KLHL13: variants seen among roughly 807,000 people sequenced by gnomAD.
KLHL13 encodes kelch like family member 13.
A neutral mutation model predicts 37.1 loss-of-function variants in KLHL13; 10 were observed. That is an observed-to-expected ratio of 0.27 (90% CI 0.17 to 0.46). The LOEUF is 0.46. KLHL13 is among the 20% of genes least tolerant of loss of function. The probability of loss-of-function intolerance (pLI) is 1.00; values close to 1 mark genes in which losing one functional copy is unlikely to be tolerated. For synonymous variants in KLHL13, 163 were observed against 181.2 expected (o/e 0.90, Z 0.81); for missense variants, 360 against 509.3 (o/e 0.71, Z 2.82).
At chrX:117,914,892 A>G (rs934996954) in intron 4 of KLHL13, among the ~76,000 whole-genome samples, 1 of 112,153 alleles carries the variant, frequency 8.9e-6, no homozygotes, top group Non-Finnish European at 1.9e-5. Context: ...CCCAGATAGC[A>G]GATAGGCAAG....
Position 118,051,749 on chromosome X carries a change from A to C in KLHL13, c.-56+64759T>G, listed in dbSNP as rs1242658227. ...ACACAAATTCAATACAATTACAATC[A>C]AATTCCCTAAAAGAGTCAGATTTTT... On this transcript the variant is annotated intron_variant, in intron 1 of 6. Transcript: ENST00000371882. Among the ~76,000 whole-genome samples, 5 of 110,752 alleles carry C rather than the reference A, an allele frequency of 4.5e-5. No individual in the cohort carries two copies. In the Admixed American group the frequency reaches 4.8e-4, roughly 11 times the overall value.
intron 1 of KLHL13, among the ~76,000 whole-genome samples, chrX:118,092,224 A>C (rs1415647923): frequency 8.9e-6 from 1 of 111,947 alleles, no homozygotes; most frequent in African/African-American, 3.2e-5. Context: ...AAAATACATA[A>C]ATAAAATAAG....
chrX:117,911,907 AAC>A (rs753612526), intron 4 of KLHL13, among the ~76,000 whole-genome samples: 19 of 112,178 alleles, frequency 1.7e-4, no homozygotes, highest in South Asian at 7.4e-4. Context: ...TAAAATACCT[AAC>A]ACATAACTGT....
intron 5 of KLHL13, among the ~76,000 whole-genome samples, chrX:117,903,473 T>G (rs1930281696): frequency 9.0e-6 from 1 of 111,696 alleles, no homozygotes; most frequent in South Asian, 3.7e-4. Flanking sequence ...TTTCTAAAAT[T>G]AATAACAAGT....
chrX:118,088,969 G>T (rs2055085176), intron 1 of KLHL13, among the ~76,000 whole-genome samples: 1 of 111,634 alleles, frequency 9.0e-6, no homozygotes, highest in South Asian at 3.8e-4. Flanking sequence ...TGGCAACCTA[G>T]AAATGACAGT....
At chrX:117,990,736 G>A (rs2053778986) in intron 1 of KLHL13, among the ~76,000 whole-genome samples, 1 of 111,503 alleles carries the variant, frequency 9.0e-6, no homozygotes, top group Non-Finnish European at 1.9e-5. Context: ...TGACACACAA[G>A]AGGGCCCAAT....
chrX:117,929,863 C>T (rs1197793140), intron 2 of KLHL13, among the ~76,000 whole-genome samples: 2 of 107,330 alleles, frequency 1.9e-5, no homozygotes, highest in Non-Finnish European at 3.8e-5. Flanking sequence ...TACTCTGGAG[C>T]CTGAGGTAGG....
chrX:118,050,850 C>T (rs372088369), intron 1 of KLHL13, among the ~76,000 whole-genome samples: 3 of 112,000 alleles, frequency 2.7e-5, no homozygotes, highest in East Asian at 2.8e-4. Flanking sequence ...GGTCTCCAAA[C>T]TTGAGCATAC....
At chrX:117,979,737 G>A (rs747364501) in intron 1 of KLHL13, among the ~76,000 whole-genome samples, 114 of 110,920 alleles carry the variant, frequency 1.0e-3, no homozygotes, top group Non-Finnish European at 1.7e-3. Context: ...AAAATATGTA[G>A]AAACATACTA....
At chrX:118,076,497 T>C (rs1363503642) in intron 1 of KLHL13, among the ~76,000 whole-genome samples, 1 of 111,617 alleles carries the variant, frequency 9.0e-6, no homozygotes, top group Non-Finnish European at 1.9e-5. Context: ...TGGCTCCCAC[T>C]GCAGTCGTTG....
At chrX:117,934,874 TA>T (rs372436229) in intron 2 of KLHL13, among the ~76,000 whole-genome samples, 1,597 of 103,779 alleles carry the variant, frequency 0.015, 27 homozygotes, top group African/African-American at 0.049. Context: ...GCCATAAGCA[TA>T]AAAAAAAAAG....
rs1021358853 is a variant in KLHL13 at position 117,941,037 on chromosome X, T to C, written c.240+4397A>G. On this transcript the variant is annotated intron_variant, in intron 2 of 6. Coordinates refer to ENST00000262820, the Ensembl canonical transcript of KLHL13. ...GTCTTGTGCCAGTTTTCAAAGAGAATGCTTCCAGCTTTTGCCCATTCGGTA... is the reference window on the plus strand; with the variant it reads ...GTCTTGTGCCAGTTTTCAAAGAGAACGCTTCCAGCTTTTGCCCATTCGGTA... 4.5e-5 allele frequency among the ~76,000 whole-genome samples: 5 copies of C among 112,267 alleles called. No individual in the cohort carries two copies. In the East Asian group the frequency reaches 1.4e-3, roughly 31 times the overall value.
At chrX:117,920,498 G>T in intron 2 of KLHL13, 128 bp from the exon 4 acceptor site, 1 of 665,457 alleles carries the variant, frequency 1.5e-6, no homozygotes, top group Non-Finnish European at 2.2e-6. Context: ...AGAATATTCG[G>T]GAGAAGAAAA....
At chrX:118,032,458 G>A (rs768389774) in intron 1 of KLHL13, among the ~76,000 whole-genome samples, 2 of 111,782 alleles carry the variant, frequency 1.8e-5, no homozygotes, top group East Asian at 5.7e-4. Flanking sequence ...GCCTAACTGG[G>A]AGGCACCCCC....
chrX:117,975,956 A>C (rs2053593427), upstream of KLHL13, among the ~76,000 whole-genome samples: 1 of 112,054 alleles, frequency 8.9e-6, no homozygotes, highest in African/African-American at 3.2e-5. Context: ...GATTCAAAAA[A>C]AACAACATAC....
chrX:117,907,128 G>C (rs1301855207), intron 5 of KLHL13, among the ~76,000 whole-genome samples: 1 of 111,159 alleles, frequency 9.0e-6, no homozygotes, highest in Admixed American at 9.6e-5. Context: ...CAGAGATGGA[G>C]GGGTGGTTTC....
chrX:117,941,253 A>G (rs899729918), intron 2 of KLHL13, among the ~76,000 whole-genome samples: 2 of 111,304 alleles, frequency 1.8e-5, no homozygotes, highest in African/African-American at 6.5e-5. Flanking sequence ...CATTTTATCG[A>G]GGATTTTTGC....
At chrX:117,898,727 C>T (rs1440420316) in exon 7 of KLHL13, 1 of 479,049 alleles carries the variant, frequency 2.1e-6, no homozygotes, top group Non-Finnish European at 3.3e-6. Flanking sequence ...TGTGTTACCA[C>T]TTTATAAACA....
intron 1 of KLHL13, among the ~76,000 whole-genome samples, chrX:117,963,426 T>C (rs1445855287): frequency 4.5e-5 from 5 of 112,279 alleles, no homozygotes; most frequent in Admixed American, 9.4e-5. Flanking sequence ...ATGTAAAGAA[T>C]AGTATTCCAT....
Sources: allele counts gnomAD v4.1 joint callset (sites outside exome capture counted in the v4.1 genomes callset), GRCh38; gene constraint gnomAD v4.1.1; transcripts MANE v1.5; gene names NCBI Gene and HGNC (gene_info 2026-07-23, HGNC 2026-07-21).